Variants in PRKCB observed in about 807,000 individuals in gnomAD.
The protein encoded by PRKCB is protein kinase C beta.
PRKCB carries 13 observed loss-of-function variants against 81.5 expected under a neutral mutation model. That is an observed-to-expected ratio of 0.16 (90% CI 0.10 to 0.25). The LOEUF is 0.25. PRKCB is among the 10% of genes least tolerant of loss of function. The probability of loss-of-function intolerance (pLI) is 1.00; values close to 1 mark genes in which losing one functional copy is unlikely to be tolerated. For synonymous variants in PRKCB, 335 were observed against 321.4 expected (o/e 1.04, Z -0.45); for missense variants, 509 against 875.7 (o/e 0.58, Z 5.29).
chr16:24,039,543 T>C (rs919531657), intron 5 of PRKCB, among the ~76,000 whole-genome samples: 2 of 152,224 alleles, frequency 1.3e-5, no homozygotes, highest in African/African-American at 4.8e-5. Context: ...TGTCTGTTGT[T>C]TAAGCCACCC....
chr16:24,003,911 T>A (rs145174525), intron 3 of PRKCB, among the ~76,000 whole-genome samples: 4 of 152,302 alleles, frequency 2.6e-5, no homozygotes, highest in African/African-American at 9.6e-5. Context: ...TATTACCTAG[T>A]AAAGTTGGCA....
At chr16:23,934,241 C>T (rs1438760167) in intron 2 of PRKCB, among the ~76,000 whole-genome samples, 1 of 151,404 alleles carries the variant, frequency 6.6e-6, no homozygotes, top group Non-Finnish European at 1.5e-5. Context: ...CCTGGCCTCT[C>T]TCTAGGGACA....
At chr16:24,029,705 T>C (rs976914632) in intron 3 of PRKCB, among the ~76,000 whole-genome samples, 1 of 152,226 alleles carries the variant, frequency 6.6e-6, no homozygotes, top group African/African-American at 2.4e-5. Flanking sequence ...TATGTCTGTT[T>C]ATTTGCTTAC....
intron 4 of PRKCB, among the ~76,000 whole-genome samples, chr16:24,033,992 G>A (rs565830698): frequency 9.9e-5 from 15 of 152,188 alleles, no homozygotes; most frequent in Non-Finnish European, 1.0e-4. Context: ...TCACAGACAC[G>A]GCCAAGGCAG....
chr16:24,165,885 T>TTCTTTC (rs1460873935), intron 10 of PRKCB, among the ~76,000 whole-genome samples: 1 of 122,624 alleles, frequency 8.2e-6, no homozygotes. Context: ...CTTTCTTTCT[T>TTCTTTC]TTTTTTTTTT....
chr16:23,885,110 A>G (rs1963179874), intron 2 of PRKCB, among the ~76,000 whole-genome samples: 1 of 152,188 alleles, frequency 6.6e-6, no homozygotes, highest in Admixed American at 6.5e-5. Flanking sequence ...TAATAATGAT[A>G]CATGTTGTTT....
chr16:24,009,108 C>A (rs1280182087), intron 3 of PRKCB, among the ~76,000 whole-genome samples: 1 of 152,138 alleles, frequency 6.6e-6, no homozygotes, highest in Non-Finnish European at 1.5e-5. Flanking sequence ...TCAGTGGACA[C>A]CTAGATTGCT....
At position 24,113,021 on chromosome 16, in the gene PRKCB, G is replaced by A. The variant is rs746506850; in HGVS notation, c.870G>A (p.Val290=). ...QEEGEYFNVP[V]PPEGSEANEE... ...AAGGCGAGTACTTCAATGTGCCTGT[G>A]CCACCAGAAGGAAGTGAGGCCAATG... Residue 290 remains valine (V), a synonymous_variant, in exon 8 of 17, where the codon GTG becomes GTA. Coordinates refer to ENST00000643927, the MANE Select transcript of PRKCB (RefSeq NM_002738.7). 2.5e-6 allele frequency: 4 copies of A among 1,613,534 alleles called. No homozygotes were observed. The highest frequency in any genetic ancestry group is 3.4e-6 in the Non-Finnish European group (4 of 1,179,690).
intron 3 of PRKCB, among the ~76,000 whole-genome samples, chr16:24,011,478 C>T (rs1392214224): frequency 6.6e-6 from 1 of 152,118 alleles, no homozygotes; most frequent in Non-Finnish European, 1.5e-5. Flanking sequence ...GCTCTGGTAC[C>T]TACTAGCTGT....
intron 8 of PRKCB, among the ~76,000 whole-genome samples, chr16:24,121,205 GT>G (rs1567382105): frequency 6.6e-6 from 1 of 152,180 alleles, no homozygotes; most frequent in Non-Finnish European, 1.5e-5. Context: ...GCCAATACCA[GT>G]TTATCTACTT....
intron 2 of PRKCB, among the ~76,000 whole-genome samples, chr16:23,965,696 A>G (rs1555487644): frequency 6.6e-6 from 1 of 152,162 alleles, no homozygotes; most frequent in Non-Finnish European, 1.5e-5. Context: ...AGCTGAAGTC[A>G]TCTGTGTATT....
chr16:23,975,943 G>T (rs117339593), intron 2 of PRKCB, among the ~76,000 whole-genome samples: 1 of 152,250 alleles, frequency 6.6e-6, no homozygotes, highest in Non-Finnish European at 1.5e-5. Flanking sequence ...TTTAGGTCTG[G>T]CTGGATTTAG....
intron 4 of PRKCB, among the ~76,000 whole-genome samples, chr16:24,034,835 A>G (rs901212976): frequency 1.3e-5 from 2 of 152,060 alleles, no homozygotes; most frequent in African/African-American, 4.8e-5. Context: ...TCCCCCTAAC[A>G]TCAGCTTTGA....
At chr16:24,038,587 G>A (rs1026693593) in intron 5 of PRKCB, among the ~76,000 whole-genome samples, 13 of 152,210 alleles carry the variant, frequency 8.5e-5, no homozygotes, top group African/African-American at 3.1e-4. Flanking sequence ...CACCATGCTG[G>A]GCACAGCCTG....
At chr16:23,877,358 T>G (rs1315539196) in intron 2 of PRKCB, among the ~76,000 whole-genome samples, 2 of 152,044 alleles carry the variant, frequency 1.3e-5, no homozygotes, top group Non-Finnish European at 2.9e-5. Flanking sequence ...ATGCTAAATT[T>G]TAGAGAGAAT....
chr16:24,039,569 GT>G (rs1965673124), intron 5 of PRKCB, among the ~76,000 whole-genome samples: 3 of 152,206 alleles, frequency 2.0e-5, no homozygotes, highest in African/African-American at 7.2e-5. Context: ...ATGGTATTCT[GT>G]TATGACAGCC....
intron 9 of PRKCB, among the ~76,000 whole-genome samples, chr16:24,128,135 G>A (rs1480730444): frequency 1.3e-5 from 2 of 152,092 alleles, no homozygotes; most frequent in Non-Finnish European, 2.9e-5. Context: ...CCAGCACTTT[G>A]GGAGGCCAAG....
chr16:23,838,827 C>T (rs1173113103), intron 2 of PRKCB, among the ~76,000 whole-genome samples: 1 of 152,194 alleles, frequency 6.6e-6, no homozygotes, highest in Non-Finnish European at 1.5e-5. Context: ...ACCTACCCAG[C>T]CTGTCTTACC....
At chr16:23,916,901 A>G (rs1435486550) in intron 2 of PRKCB, among the ~76,000 whole-genome samples, 3 of 150,930 alleles carry the variant, frequency 2.0e-5, no homozygotes, top group Non-Finnish European at 2.9e-5. Flanking sequence ...CTGGGACTAC[A>G]GGCACACACC....
Sources: allele counts gnomAD v4.1 joint callset (sites outside exome capture counted in the v4.1 genomes callset), GRCh38; gene constraint gnomAD v4.1.1; transcripts MANE v1.5; gene names NCBI Gene and HGNC (gene_info 2026-07-23, HGNC 2026-07-21).